The following RNF214 variants were observed in gnomAD, a reference collection of about 807,000 sequenced individuals.
RNF214 encodes ring finger protein 214.
A neutral mutation model predicts 75.9 loss-of-function variants in RNF214; 25 were observed. That is an observed-to-expected ratio of 0.33 (90% confidence interval 0.24 to 0.46). The LOEUF (loss-of-function observed/expected upper bound fraction) is 0.46, where lower values mean the gene tolerates loss of function less well. Among genes scored for constraint, RNF214 ranks in the 20% least tolerant of loss-of-function variants. RNF214 has a pLI of 1.00. For missense variants in RNF214, 725 were observed against 857.5 expected (o/e 0.85, Z 1.93); for synonymous variants, 314 against 308.8 (o/e 1.02, Z -0.18).
chr11:117,247,776 A>T (rs1390119798), intron 6 of RNF214, among the ~76,000 whole-genome samples: 1 of 150,514 alleles, frequency 6.6e-6, no homozygotes, highest in Non-Finnish European at 1.5e-5. Flanking sequence ...GCTTGAATCC[A>T]GGAGGCAGGA....
intron 6 of RNF214, among the ~76,000 whole-genome samples, chr11:117,250,804 G>T (rs2033356662): frequency 6.9e-6 from 1 of 145,632 alleles, no homozygotes; most frequent in Admixed American, 6.9e-5. Context: ...AGATTAGGGA[G>T]TGGTGATGAC....
At chr11:117,251,999 G>C (rs1341531466) in intron 6 of RNF214, among the ~76,000 whole-genome samples, 1 of 152,208 alleles carries the variant, frequency 6.6e-6, no homozygotes, top group Non-Finnish European at 1.5e-5. Flanking sequence ...CTCCTGAGTA[G>C]CTGGAACTAC....
At chr11:117,267,868 A>G (rs933307885) in intron 6 of RNF214, among the ~76,000 whole-genome samples, 9 of 152,232 alleles carry the variant, frequency 5.9e-5, no homozygotes, top group African/African-American at 2.2e-4. Flanking sequence ...GGGGAAATAC[A>G]ATTTAAAAAA....
intron 6 of RNF214, among the ~76,000 whole-genome samples, chr11:117,253,957 A>T (rs989619668): frequency 6.6e-6 from 1 of 152,020 alleles, no homozygotes; most frequent in Non-Finnish European, 1.5e-5. Flanking sequence ...TGGGTGTAAT[A>T]TAAGAGTCTA....
chr11:117,238,917 A>C lies in RNF214; in HGVS notation c.424A>C (p.Lys142Gln). The change falls in exon 3 of 15, where the codon AAG (lysine) becomes CAG (glutamine). Residue 142 changes from lysine (K) to glutamine (Q), a missense_variant. Physicochemically the swap from Lys to Gln is moderately conservative, Grantham distance 53. Transcript: ENST00000300650. The part of the protein sequence containing the change: ...TRSLKAGCHT[K>Q]QLASRNCSEE... ...GTCTCTTAAGGCAGGGTGCCATACT[A>C]AGCAGCTTGCCTCCAGGAATTGCTC... 1 of 1,614,124 alleles carries C rather than the reference A, an allele frequency of 6.2e-7. No homozygotes were observed. The highest frequency in any genetic ancestry group is 1.1e-5 in the South Asian group (1 of 91,088).
chr11:117,263,011 G>C (rs1016030228), intron 6 of RNF214, among the ~76,000 whole-genome samples: 3 of 151,154 alleles, frequency 2.0e-5, no homozygotes, highest in Non-Finnish European at 4.4e-5. Context: ...TTCACCATGT[G>C]GCCCAGGCTG....
chr11:117,256,217 C>G (rs1190382008), intron 6 of RNF214, among the ~76,000 whole-genome samples: 1 of 152,182 alleles, frequency 6.6e-6, no homozygotes, highest in Admixed American at 6.5e-5. Flanking sequence ...TATCATAACA[C>G]TTCTTCGTGG....
At chr11:117,245,808 C>T (rs1032690348) in intron 5 of RNF214, among the ~76,000 whole-genome samples, 4 of 152,026 alleles carry the variant, frequency 2.6e-5, no homozygotes, top group African/African-American at 9.7e-5. Context: ...AAAATAACAA[C>T]AACAACAACA....
chr11:117,280,147 T>C, intron 7 of RNF214, 24 bp from the exon 8 acceptor site: 1 of 1,582,804 alleles, frequency 6.3e-7, no homozygotes, highest in Middle Eastern at 1.7e-4. Flanking sequence ...TAATAAAGTA[T>C]TTATATGTGT....
At chr11:117,281,514 C>G in intron 9 of RNF214, 86 bp from the exon 10 acceptor site, 1 of 1,402,214 alleles carries the variant, frequency 7.1e-7, no homozygotes, top group Non-Finnish European at 1.0e-6. Context: ...CCTACTATTC[C>G]TTTTGTTTTC....
At position 117,279,997 on chromosome 11, in the gene RNF214, A is replaced by C; in HGVS notation, c.1049A>C (p.Lys350Thr). ...NIMEETERAW[K>T]AEILSLESRK... ...ATGGAAGAGACTGAACGGGCCTGGAAGGCAGAGGTGAGAAGAGGAGCTGAT... is the reference window on the plus strand; with the variant it reads ...ATGGAAGAGACTGAACGGGCCTGGACGGCAGAGGTGAGAAGAGGAGCTGAT... Residue 350 changes from lysine to threonine, a missense_variant, in exon 7 of 15, where the codon AAG becomes ACG. Lys to Thr is a moderately conservative substitution (Grantham distance 78). Transcript: ENST00000300650. 6.2e-7 allele frequency: 1 copy of C among 1,611,492 alleles called. No individual in the cohort carries two copies. The highest frequency in any genetic ancestry group is 8.5e-7 in the Non-Finnish European group (1 of 1,178,468).
rs749569347 is a variant in RNF214 at position 117,244,546 on chromosome 11, G to C, written c.780G>C (p.Gln260His). 1.9e-6 allele frequency: 3 copies of C among 1,612,130 alleles called. No homozygotes were observed. The highest frequency in any genetic ancestry group is 1.3e-5 in the African/African-American group (1 of 74,830). Residue 260 changes from glutamine to histidine, a missense_variant, in exon 5 of 15, where the codon CAG becomes CAC. By Grantham distance (24) the Gln-to-His change is conservative. Transcript: ENST00000300650. ...VENQLQVQLK[Q>H]LQQRREEEMK... ...ATCAGCTCCAAGTGCAATTAAAGCA[G>C]CTTCAGCAAAGGAGAGAAGAGGAAA...
intron 3 of RNF214, 152 bp downstream of exon 3, chr11:117,239,263 C>T: frequency 1.5e-6 from 1 of 689,068 alleles, no homozygotes; most frequent in Non-Finnish European, 2.4e-6. Flanking sequence ...TCATACAGTG[C>T]CATACAATGA....
chr11:117,262,569 A>G (rs1315367426), intron 6 of RNF214, among the ~76,000 whole-genome samples: 1 of 151,724 alleles, frequency 6.6e-6, no homozygotes, highest in Non-Finnish European at 1.5e-5. Flanking sequence ...TTTTGTAAAT[A>G]CAGGGTCTCG....
chr11:117,265,561 C>A (rs67145274), intron 6 of RNF214, among the ~76,000 whole-genome samples: 1 of 151,866 alleles, frequency 6.6e-6, no homozygotes. Flanking sequence ...TTACAGGCCC[C>A]CACTACTATG....
chr11:117,248,244 A>ATTTTTTTTTTTTTTTTT (rs2033281768), intron 6 of RNF214, among the ~76,000 whole-genome samples: 1 of 151,764 alleles, frequency 6.6e-6, no homozygotes, highest in African/African-American at 2.4e-5. Flanking sequence ...CCTGGCTAAC[A>ATTTTTTTTTTTTTTTTT]TTTTTGTATT....
At chr11:117,251,110 G>A (rs1239759488) in intron 6 of RNF214, among the ~76,000 whole-genome samples, 5 of 151,424 alleles carry the variant, frequency 3.3e-5, no homozygotes, top group East Asian at 2.0e-4. Flanking sequence ...ATCATGGCCC[G>A]TTCTCAACGA....
chr11:117,284,694 C>G (rs1425156372), intron 14 of RNF214, among the ~76,000 whole-genome samples: 1 of 152,154 alleles, frequency 6.6e-6, no homozygotes, highest in East Asian at 1.9e-4. Context: ...CTTTGGGAGG[C>G]TGAGGCAGGC....
In RNF214 at chr11:117,285,138, C is replaced by A; in HGVS notation, c.2099C>A (p.Pro700Gln). ...TNTNDTCPFCPTLK is the reference protein window; with the variant it reads ...TNTNDTCPFCQTLK ...ACAAATGACACTTGTCCCTTTTGTC[C>A]AACTCTTAAATGACGGACCTGACTG... Residue 700 changes from proline to glutamine, a missense_variant, in exon 15 of 15, where the codon CCA (proline) becomes CAA (glutamine). This residue lies in a region of RNF214 where 363 missense variants were observed against 513.0 expected (regional missense o/e 0.71). Coordinates refer to ENST00000300650, the MANE Select transcript of RNF214 (RefSeq NM_207343.4). The A allele has an allele frequency of 6.2e-7, 1 of 1,610,862 alleles. No individual in the cohort carries two copies. Among genetic ancestry groups the A allele is most frequent in the Non-Finnish European group, 8.5e-7 (1 of 1,177,186 alleles).
Sources: allele counts gnomAD v4.1 joint callset (sites outside exome capture counted in the v4.1 genomes callset), GRCh38; gene constraint gnomAD v4.1.1; regional missense constraint gnomAD v4.1.1; transcripts MANE v1.5; gene names NCBI Gene and HGNC (gene_info 2026-07-23, HGNC 2026-07-21).